Variants in PLS3 observed in about 807,000 individuals in gnomAD.
PLS3 encodes the protein plastin 3, also known as plastin-3.
A neutral mutation model predicts 46.5 loss-of-function variants in PLS3; 11 were observed. The ratio of observed to expected loss-of-function variants is 0.24; its 90% CI spans 0.15 to 0.39. The LOEUF is 0.39. Among genes scored for constraint, PLS3 ranks in the 10% least tolerant of loss-of-function variants. The probability of loss-of-function intolerance (pLI) is 1.00; values close to 1 mark genes in which losing one functional copy is unlikely to be tolerated. For missense variants in PLS3, 308 were observed against 461.8 expected, an observed-to-expected ratio of 0.67 and a Z score of 3.05; for synonymous variants, 167 against 162.2, an observed-to-expected ratio of 1.03 and a Z score of -0.22.
intron 1 of PLS3, among the ~76,000 whole-genome samples, chrX:115,594,440 A>C (rs1556633527): frequency 8.9e-6 from 1 of 112,022 alleles, no homozygotes; most frequent in Non-Finnish European, 1.9e-5. Flanking sequence ...TTTTTCAATT[A>C]ACAAGTGCTG....
At chrX:115,562,576 A>T (rs1045299052) in intron 1 of PLS3, 1 of 111,453 alleles carries the variant, frequency 9.0e-6, no homozygotes, top group Non-Finnish European at 1.9e-5. Context: ...GGCTAACAGT[A>T]GGTAGAAAAT....
intron 5 of PLS3, among the ~76,000 whole-genome samples, chrX:115,633,177 G>GT (rs34002114): frequency 0.017 from 1,707 of 102,334 alleles, 39 homozygotes; most frequent in African/African-American, 0.056. Context: ...GTCTTTTTGG[G>GT]TTTTTTTTTT....
chrX:115,635,939 G>A (rs930434949), intron 7 of PLS3, among the ~76,000 whole-genome samples: 1 of 108,452 alleles, frequency 9.2e-6, no homozygotes, highest in South Asian at 4.2e-4. Context: ...GCAGCGAGCC[G>A]AGATCATGGA....
chrX:115,584,900 G>T (rs2074298446), intron 1 of PLS3, among the ~76,000 whole-genome samples: 1 of 111,969 alleles, frequency 8.9e-6, no homozygotes, highest in African/African-American at 3.2e-5. Context: ...ATGATGGGTT[G>T]TGGTGGAAAA....
chrX:115,590,174 G>A (rs2074335558), intron 1 of PLS3, among the ~76,000 whole-genome samples: 1 of 111,579 alleles, frequency 9.0e-6, no homozygotes, highest in Admixed American at 9.5e-5. Flanking sequence ...ACTCTTAACT[G>A]TATGGTTTCT....
chrX:115,616,935 A>G (rs1191185420), intron 2 of PLS3, among the ~76,000 whole-genome samples: 1 of 112,015 alleles, frequency 8.9e-6, no homozygotes, highest in Admixed American at 9.5e-5. Context: ...TGGGGGCTAA[A>G]CTATGGGAAA....
intron 3 of PLS3, among the ~76,000 whole-genome samples, chrX:115,625,425 C>T (rs926399069): frequency 1.8e-5 from 2 of 110,025 alleles, no homozygotes; most frequent in Admixed American, 2.0e-4. Flanking sequence ...ATTCTAAGCA[C>T]TTCAAAACTA....
intron 1 of PLS3, among the ~76,000 whole-genome samples, chrX:115,561,534 G>A (rs1417076230): frequency 1.8e-5 from 2 of 112,130 alleles, no homozygotes; most frequent in Non-Finnish European, 3.8e-5. Context: ...TGTATTAAGT[G>A]GTGTTTTCTT....
At chrX:115,648,742 C>CAAAGGT (rs1556642078) in intron 15 of PLS3, among the ~76,000 whole-genome samples, 1 of 111,934 alleles carries the variant, frequency 8.9e-6, no homozygotes, top group South Asian at 3.7e-4. Context: ...GCAGATATGA[C>CAAAGGT]AAAGGTCTAA....
intron 1 of PLS3, among the ~76,000 whole-genome samples, chrX:115,595,687 C>CTTTTTTTTTTTTTTT (rs35860715): frequency 1.2e-5 from 1 of 82,975 alleles, no homozygotes; most frequent in Non-Finnish European, 2.3e-5. Context: ...TATTTTCTTT[C>CTTTTTTTTTTTTTTT]TTTTTTTTTT....
chrX:115,638,341 C>T (rs1794010937), intron 8 of PLS3, among the ~76,000 whole-genome samples: 1 of 111,903 alleles, frequency 8.9e-6, no homozygotes, highest in African/African-American at 3.2e-5. Flanking sequence ...AAACTCCTGA[C>T]CTCATGATCT....
At chrX:115,625,484 G>A (rs1166715132) in intron 3 of PLS3, among the ~76,000 whole-genome samples, 1 of 109,084 alleles carries the variant, frequency 9.2e-6, no homozygotes, top group Non-Finnish European at 1.9e-5. Context: ...TTTTTTCTTT[G>A]ATTGTTAAAC....
chrX:115,639,664 T>G (rs1290577366), intron 8 of PLS3: 1 of 316,705 alleles, frequency 3.2e-6, no homozygotes, highest in African/African-American at 2.7e-5. Context: ...ATGCAGGAAT[T>G]TACTTGACAC....
At chrX:115,617,139 G>A (rs781858019) in intron 2 of PLS3, among the ~76,000 whole-genome samples, 1 of 111,507 alleles carries the variant, frequency 9.0e-6, no homozygotes, top group East Asian at 2.8e-4. Context: ...TTCCCACAGG[G>A]TAGGTACTCA....
At position 115,624,143 on chromosome X, in the gene PLS3, C is replaced by T. The variant is rs1190144575; in HGVS notation, c.237+1734C>T. 2.9e-5 allele frequency among the ~76,000 whole-genome samples: 3 copies of T among 105,243 alleles called. No individual in the cohort carries two copies. The Admixed American group carries it at 3.1e-4, about 11-fold the overall frequency. 91.4% of individuals were successfully genotyped at this position (105,243 alleles called of 115,157 possible). ...ACTCGGGAGGCTGGGGCAAGAGAAT[C>T]GCCTGAACCAGGGAGTCGGAGGTTG... On this transcript the variant is annotated intron_variant, in intron 3 of 15. Coordinates refer to ENST00000355899, the MANE Select transcript of PLS3 (RefSeq NM_005032.7).
chrX:115,607,569 G>A lies in PLS3; in HGVS notation c.-8-2674G>A, dbSNP rs369633656. On this transcript the variant is annotated intron_variant, in intron 1 of 15. Coordinates refer to ENST00000355899, the MANE Select transcript of PLS3 (RefSeq NM_005032.7). ...GCTGGAGTGCAGTGGTACGATCTCC[G>A]CTCACTGCAACCTCTACCTCCCAGG... Among the ~76,000 whole-genome samples the A allele has an allele frequency of 1.7e-4, 18 of 105,717 alleles. 1 individual carries two copies. The East Asian group carries it at 4.8e-3, about 28-fold the overall frequency. The allele number at this position is 105,717 out of a possible 115,157, so 91.8% of individuals were successfully genotyped here.
At chrX:115,634,316 TC>T (rs1556639859) in intron 6 of PLS3, among the ~76,000 whole-genome samples, 1 of 112,140 alleles carries the variant, frequency 8.9e-6, no homozygotes, top group African/African-American at 3.2e-5. Context: ...AGCCCCATGT[TC>T]TTTTCATTTC....
intron 1 of PLS3, among the ~76,000 whole-genome samples, chrX:115,586,174 G>A (rs1556632420): frequency 2.8e-5 from 3 of 106,048 alleles, no homozygotes; most frequent in African/African-American, 1.0e-4. Context: ...TACCGGAGAC[G>A]GGGTTTCTCC....
chrX:115,598,734 C>T (rs1197397859), intron 1 of PLS3, among the ~76,000 whole-genome samples: 2 of 112,077 alleles, frequency 1.8e-5, no homozygotes, highest in South Asian at 7.4e-4. Flanking sequence ...ACTTAGCATT[C>T]ATGAGGCTGA....
Sources: allele counts gnomAD v4.1 joint callset (sites outside exome capture counted in the v4.1 genomes callset), GRCh38; gene constraint gnomAD v4.1.1; transcripts MANE v1.5; gene names NCBI Gene and HGNC (gene_info 2026-07-23, HGNC 2026-07-21).